SATB2: variants seen among roughly 807,000 people sequenced by gnomAD.
The protein encoded by SATB2 is SATB homeobox 2, also known as DNA-binding protein SATB2.
In SATB2, 1 loss-of-function variant was observed where a neutral mutation model predicts 73.4. The ratio of observed to expected loss-of-function variants is 0.01; its 90% CI spans 0.00 to 0.06. The LOEUF (loss-of-function observed/expected upper bound fraction) is 0.06, where lower values mean the gene tolerates loss of function less well. Ranked by LOEUF, SATB2 falls within the 10% of genes least tolerant of loss-of-function variation. SATB2 has a pLI of 1.00. For missense variants in SATB2, 459 were observed against 945.8 expected, an observed-to-expected ratio of 0.49 and a Z score of 6.75; for synonymous variants, 397 against 367.0, an observed-to-expected ratio of 1.08 and a Z score of -0.93.
rs373335275 is a variant in SATB2, at chr2:199,368,612, C to T, written c.693G>A (p.Lys231=). Reference sequence around the variant, plus strand: ...ACAAAAAAGTCAGTTTACCTTTAATCTTCTTGTACTTTTTATACCATCTCC... The same window carrying T: ...ACAAAAAAGTCAGTTTACCTTTAATTTTCTTGTACTTTTTATACCATCTCC... ...EFGRWYKKYK[K]IKVERVEREN... is the part of the protein sequence containing the mutation. Residue 231 remains lysine (K), a synonymous_variant, in exon 6 of 11, where the codon AAG becomes AAA. Transcript: ENST00000417098. 8.2e-6 allele frequency: 13 copies of T among 1,592,258 alleles called. No homozygotes were observed. The highest frequency in any genetic ancestry group is 1.1e-5 in the Non-Finnish European group (13 of 1,160,498).
intron 2 of SATB2, among the ~76,000 whole-genome samples, chr2:199,441,426 A>G (rs1691813287): frequency 6.6e-6 from 1 of 152,168 alleles, no homozygotes; most frequent in East Asian, 1.9e-4. Context: ...ATAATATTCA[A>G]TAACATTTAA....
At chr2:199,405,722 A>G (rs1341304178) in intron 3 of SATB2, among the ~76,000 whole-genome samples, 4 of 152,198 alleles carry the variant, frequency 2.6e-5, no homozygotes, top group Non-Finnish European at 5.9e-5. Flanking sequence ...ATTTCAGTAC[A>G]ATTATTCATG....
chr2:199,466,974 C>G (rs557571272), upstream of SATB2, among the ~76,000 whole-genome samples: 16 of 152,376 alleles, frequency 1.1e-4, no homozygotes, highest in South Asian at 3.1e-3. Flanking sequence ...GGGCCTCAAT[C>G]AATGCACTTA....
intron 10 of SATB2, among the ~76,000 whole-genome samples, chr2:199,281,436 T>C (rs1038966099): frequency 1.1e-4 from 16 of 151,132 alleles, no homozygotes; most frequent in Non-Finnish European, 2.4e-4. Flanking sequence ...TAGGCTAAGG[T>C]ACATTAATAG....
intron 3 of SATB2, among the ~76,000 whole-genome samples, chr2:199,398,564 G>C (rs901624342): frequency 6.6e-6 from 1 of 152,168 alleles, no homozygotes. Context: ...ATTAGAATCA[G>C]ATGACCAAGT....
Position 199,272,112 on chromosome 2 carries a change from A to C in SATB2, c.*99T>G, listed in dbSNP as rs1692174257. On this transcript the variant is annotated 3_prime_UTR_variant, in exon 11 of 11. Coordinates refer to ENST00000417098, the MANE Select transcript of SATB2 (RefSeq NM_001172509.2). The surrounding 1 kb of genome is among the most constrained non-coding windows in gnomAD (Gnocchi z 6.7). ...GACAAAAATAAAGCCAAAAAAACCC[A>C]AAAACAAAAACAAAAAACAAACTAA... 2.4e-6 allele frequency: 3 copies of C among 1,276,564 alleles called. No individual in the cohort carries two copies. The highest frequency in any genetic ancestry group is 2.4e-5 in the South Asian group (2 of 82,886). The allele number at this position is 1,276,564 out of a possible 1,614,324, so 79.1% of individuals were successfully genotyped here.
chr2:199,399,359 T>A (rs1160694714), intron 3 of SATB2, among the ~76,000 whole-genome samples: 8 of 152,316 alleles, frequency 5.3e-5, no homozygotes, highest in Admixed American at 3.9e-4. Flanking sequence ...CATAGAACTA[T>A]GAATTCTTGG....
intron 3 of SATB2, among the ~76,000 whole-genome samples, chr2:199,390,065 A>T (rs1013940961): frequency 1.3e-5 from 2 of 152,140 alleles, no homozygotes; most frequent in African/African-American, 2.4e-5. Flanking sequence ...AAGTAACTAG[A>T]CTAAATTAAT....
intron 3 of SATB2, among the ~76,000 whole-genome samples, chr2:199,399,562 T>C (rs1690407875): frequency 6.6e-6 from 1 of 152,190 alleles, no homozygotes; most frequent in East Asian, 1.9e-4. Context: ...CTGGGTAATC[T>C]ATAAAGAAAA....
chr2:199,430,146 T>A (rs777780052), intron 3 of SATB2, among the ~76,000 whole-genome samples: 2 of 152,008 alleles, frequency 1.3e-5, no homozygotes, highest in Non-Finnish European at 2.9e-5. Flanking sequence ...GGGAGCTCCA[T>A]GGCTACTGCC....
At chr2:199,408,682 A>C (rs1034498412) in intron 3 of SATB2, among the ~76,000 whole-genome samples, 2 of 148,784 alleles carry the variant, frequency 1.3e-5, no homozygotes, top group South Asian at 2.1e-4. Context: ...TAGTCCACAA[A>C]AAAAAAAAAA....
At chr2:199,323,180 A>AT (rs1264034499) in intron 9 of SATB2, among the ~76,000 whole-genome samples, 3 of 152,240 alleles carry the variant, frequency 2.0e-5, no homozygotes, top group African/African-American at 7.2e-5. Context: ...AGAGCATTAC[A>AT]TTCTCCACAA....
Position 199,308,879 on chromosome 2 carries a change from T to C in SATB2, c.1621A>G (p.Ile541Val). The C allele has an allele frequency of 6.2e-7, 1 of 1,614,156 alleles. No homozygotes were observed. The highest frequency in any genetic ancestry group is 8.5e-7 in the Non-Finnish European group (1 of 1,180,014). ...TGGGGAAGGTTCAGGAAGCGACGGA[T>C]GGTACAGAGGTTTTCCCAGAGGGTG... The part of the protein sequence containing the change: ...NRTLWENLCT[I>V]RRFLNLPQHE... Residue 541 changes from isoleucine to valine, a missense_variant, in exon 10 of 11, where the codon ATC (isoleucine) becomes GTC (valine). Ile to Val is a conservative substitution (Grantham distance 29, BLOSUM62 3). Around this residue, in one of 13 missense-constraint regions of SATB2, gnomAD observed 74 missense variants for 136.1 expected, o/e 0.54. Transcript: ENST00000417098. This position sits in a 1 kb window ranked among gnomAD's most constrained non-coding sequence, Gnocchi z 4.6.
chr2:199,458,909 G>A (rs1692390893), upstream of SATB2, among the ~76,000 whole-genome samples: 1 of 152,092 alleles, frequency 6.6e-6, no homozygotes, highest in Admixed American at 6.5e-5. Flanking sequence ...TTCAAAGCTG[G>A]CACGGCCGCG....
upstream of SATB2, among the ~76,000 whole-genome samples, chr2:199,461,989 G>A (rs1187717822): frequency 6.6e-6 from 1 of 152,220 alleles, no homozygotes; most frequent in Non-Finnish European, 1.5e-5. Flanking sequence ...GGTGGAGGGT[G>A]CAGGGTGCCG....
intron 3 of SATB2, chr2:199,423,995 C>T (rs10497836): frequency 0.61 from 92,995 of 152,138 alleles, 30,831 homozygotes; most frequent in Non-Finnish European, 0.74. Context: ...GCATATAGCC[C>T]ACAGCGATCT....
chr2:199,280,902 C>T (rs1457726573), intron 10 of SATB2, among the ~76,000 whole-genome samples: 1 of 152,192 alleles, frequency 6.6e-6, no homozygotes, highest in African/African-American at 2.4e-5. Context: ...GACACACACC[C>T]TATTCGTACA....
Position 199,456,093 on chromosome 2 carries a change from G to T in SATB2, c.-56C>A. The T allele has an allele frequency of 7.7e-7, 1 of 1,304,960 alleles. No homozygotes were observed. Among genetic ancestry groups the T allele is most frequent in the Non-Finnish European group, 1.0e-6 (1 of 954,346 alleles). 80.8% of individuals were successfully genotyped at this position (1,304,960 alleles called of 1,614,324 possible). The stretch of plus-strand genomic sequence containing the variant: ...CGGCAGGTCGCAATAAAACGCACAG[G>T]GACCTAGGGAGGGGGTGGGGGGAGG... On this transcript the variant is annotated 5_prime_UTR_variant, in exon 2 of 11. Coordinates refer to ENST00000417098, the MANE Select transcript of SATB2 (RefSeq NM_001172509.2).
upstream of SATB2, among the ~76,000 whole-genome samples, chr2:199,462,464 T>C (rs921121344): frequency 6.6e-6 from 1 of 152,180 alleles, no homozygotes; most frequent in Admixed American, 6.5e-5. The surrounding 1 kb of genome is among the most constrained non-coding windows in gnomAD (Gnocchi z 5.9). Context: ...GGACGCGCCT[T>C]GGAGGACGGT....
Sources: allele counts gnomAD v4.1 joint callset (sites outside exome capture counted in the v4.1 genomes callset), GRCh38; gene constraint gnomAD v4.1.1; regional missense constraint gnomAD v4.1.1; non-coding constraint Gnocchi (gnomAD v3.1); transcripts MANE v1.5; gene names NCBI Gene and HGNC (gene_info 2026-07-23, HGNC 2026-07-21).